SIPA1L1: variants seen among roughly 807,000 people sequenced by gnomAD.
SIPA1L1 encodes signal induced proliferation associated 1 like 1.
In SIPA1L1, 26 loss-of-function variants were observed where a neutral mutation model predicts 162.7. The ratio of observed to expected loss-of-function variants is 0.16; its 90% CI spans 0.12 to 0.22. The LOEUF (loss-of-function observed/expected upper bound fraction) is 0.22. Ranked by LOEUF, SIPA1L1 falls within the 10% of genes least tolerant of loss-of-function variation. The probability of loss-of-function intolerance (pLI) is 1.00; values close to 1 mark genes in which losing one functional copy is unlikely to be tolerated. For missense variants in SIPA1L1, 1,874 were observed against 2,241.0 expected (o/e 0.84, Z 3.31); for synonymous variants, 829 against 837.4 (o/e 0.99, Z 0.17).
chr14:71,405,053 G>A lies in SIPA1L1; in HGVS notation c.-465+83872G>A, dbSNP rs528249156. On this transcript the variant is annotated intron_variant, in intron 2 of 23. Transcript: ENST00000381232. ...TTGAGGAAGACTCAGTAAATAACAAGTATCAAAAGTAATTATTGTGCCTAT... is the reference window on the plus strand; with the variant it reads ...TTGAGGAAGACTCAGTAAATAACAAATATCAAAAGTAATTATTGTGCCTAT... Among the ~76,000 whole-genome samples the A allele has an allele frequency of 3.7e-4, 56 of 152,330 alleles. 1 individual carries two copies. In the South Asian group the frequency reaches 0.011, roughly 31 times the overall value.
At chr14:71,670,996 A>G (rs2044462664) in intron 10 of SIPA1L1, 123 bp from the exon 11 acceptor site, 4 of 759,272 alleles carry the variant, frequency 5.3e-6, no homozygotes, top group African/African-American at 3.5e-5. Context: ...GTTGTTTCTC[A>G]TGGAAAAATA....
intron 7 of SIPA1L1, among the ~76,000 whole-genome samples, chr14:71,625,424 C>A (rs2039877555): frequency 6.6e-6 from 1 of 152,064 alleles, no homozygotes; most frequent in Admixed American, 6.6e-5. Flanking sequence ...CTCAGCCTCT[C>A]GAGTAGCTGG....
intron 2 of SIPA1L1, among the ~76,000 whole-genome samples, chr14:71,364,799 G>A (rs958380415): frequency 6.6e-6 from 1 of 151,642 alleles, no homozygotes; most frequent in Admixed American, 6.6e-5. Context: ...AGGCTGGAGT[G>A]CAGTAGTGCG....
intron 4 of SIPA1L1, among the ~76,000 whole-genome samples, chr14:71,585,174 T>A (rs2034428774): frequency 6.8e-6 from 1 of 146,922 alleles, no homozygotes. Flanking sequence ...AGATGGAAAA[T>A]GAGAGGGAGA....
At chr14:71,661,839 C>G (rs2043546638) in intron 10 of SIPA1L1, among the ~76,000 whole-genome samples, 1 of 152,188 alleles carries the variant, frequency 6.6e-6, no homozygotes, top group African/African-American at 2.4e-5. Flanking sequence ...TTTTGAAAAG[C>G]ATTGTTATTA....
chr14:71,347,163 G>A lies in SIPA1L1; in HGVS notation c.-465+25982G>A, dbSNP rs190981199. Among the ~76,000 whole-genome samples, 21 of 151,328 alleles carry A rather than the reference G, an allele frequency of 1.4e-4. No individual in the cohort carries two copies. In the East Asian group the frequency reaches 1.6e-3, roughly 11 times the overall value. On this transcript the variant is annotated intron_variant, in intron 2 of 23. Coordinates refer to ENST00000381232, the MANE Select transcript of SIPA1L1 (RefSeq NM_001386936.1). The stretch of plus-strand genomic sequence containing the variant: ...TTTAGTAGAGATGGGGTATCACCGC[G>A]TTGGCCAGGCTGGTCTTGAACTCCT...
At chr14:71,637,617 A>C (rs538122803) in intron 7 of SIPA1L1, among the ~76,000 whole-genome samples, 1 of 152,202 alleles carries the variant, frequency 6.6e-6, no homozygotes, top group South Asian at 2.1e-4. Context: ...GTCTGTAGTT[A>C]AGAGGCTGAA....
intron 2 of SIPA1L1, among the ~76,000 whole-genome samples, chr14:71,491,403 T>G (rs974833405): frequency 8.5e-5 from 13 of 152,304 alleles, no homozygotes; most frequent in African/African-American, 3.1e-4. Flanking sequence ...ACTGACATTG[T>G]ACTTATCTTC....
chr14:71,527,006 G>T (rs955161949), intron 3 of SIPA1L1, among the ~76,000 whole-genome samples: 9 of 152,070 alleles, frequency 5.9e-5, no homozygotes, highest in Admixed American at 3.3e-4. Context: ...CTAAGTCTTG[G>T]TGTTGTCAGA....
chr14:71,518,707 G>A (rs1341124555), intron 3 of SIPA1L1, among the ~76,000 whole-genome samples: 3 of 152,140 alleles, frequency 2.0e-5, no homozygotes, highest in African/African-American at 7.2e-5. Flanking sequence ...TTGGGAGGCT[G>A]AGGCTGGCAG....
rs2082353156 is a variant in SIPA1L1 at position 71,705,203 on chromosome 14, G to A, written c.3647-19G>A. ...TTCTGCTTAGTGCCTGCACCATAAT[G>A]TCCTATGCTGTATTCCAGAGCCAAC... On this transcript the variant is annotated intron_variant, in intron 15 of 23. Transcript: ENST00000381232. The A allele has an allele frequency of 6.4e-7, 1 of 1,554,682 alleles. No homozygotes were observed. Among genetic ancestry groups the A allele is most frequent in the East Asian group, 2.2e-5 (1 of 44,616 alleles).
chr14:71,685,125 T>C (rs1196888306), intron 12 of SIPA1L1, among the ~76,000 whole-genome samples: 1 of 152,178 alleles, frequency 6.6e-6, no homozygotes, highest in Non-Finnish European at 1.5e-5. Flanking sequence ...TTTTAAAGAC[T>C]CCATATCTCG....
At position 71,472,902 on chromosome 14, in the gene SIPA1L1, G is replaced by A. The variant is rs144576210; in HGVS notation, c.-464-39841G>A. On this transcript the variant is annotated intron_variant, in intron 2 of 23. Coordinates refer to ENST00000381232, the MANE Select transcript of SIPA1L1 (RefSeq NM_001386936.1). Reference sequence around the variant, plus strand: ...ACTTGGTCACCCAGGCTGGAGTGCAGTAGTGTGATCATAGCTCACGGAAGC... The same window carrying A: ...ACTTGGTCACCCAGGCTGGAGTGCAATAGTGTGATCATAGCTCACGGAAGC... Among the ~76,000 whole-genome samples the A allele has an allele frequency of 3.4e-3, 513 of 149,162 alleles. 3 individuals are homozygous for A. The highest frequency in any genetic ancestry group is 5.8e-3 in the Non-Finnish European group (390 of 67,682).
chr14:71,737,340 G>A (rs2085392274), intron 22 of SIPA1L1, among the ~76,000 whole-genome samples: 1 of 152,104 alleles, frequency 6.6e-6, no homozygotes, highest in Non-Finnish European at 1.5e-5. Context: ...TTTCCCATTG[G>A]CGCTGGGAAG....
chr14:71,637,303 G>C (rs186493425), intron 7 of SIPA1L1, among the ~76,000 whole-genome samples: 4 of 152,164 alleles, frequency 2.6e-5, no homozygotes, highest in African/African-American at 7.2e-5. Flanking sequence ...AAAAATAGGA[G>C]AGTACAATAC....
intron 2 of SIPA1L1, among the ~76,000 whole-genome samples, chr14:71,425,965 G>C (rs564844300): frequency 6.6e-6 from 1 of 151,888 alleles, no homozygotes; most frequent in Non-Finnish European, 1.5e-5. Flanking sequence ...TAATGTAAGC[G>C]TTTTTGACCT....
At chr14:71,403,762 A>G (rs1025714623) in intron 2 of SIPA1L1, among the ~76,000 whole-genome samples, 2 of 152,124 alleles carry the variant, frequency 1.3e-5, no homozygotes, top group Non-Finnish European at 2.9e-5. Flanking sequence ...GTTATAGTAA[A>G]TGAGCTTGTG....
intron 12 of SIPA1L1, among the ~76,000 whole-genome samples, chr14:71,684,162 G>T (rs1221911745): frequency 6.6e-6 from 1 of 152,208 alleles, no homozygotes; most frequent in East Asian, 1.9e-4. Context: ...AGTAAGGATG[G>T]CAGCAGACGC....
At chr14:71,422,998 G>T (rs931444584) in intron 2 of SIPA1L1, among the ~76,000 whole-genome samples, 39 of 152,232 alleles carry the variant, frequency 2.6e-4, no homozygotes, top group Non-Finnish European at 1.5e-4. Flanking sequence ...GTATTTTCTG[G>T]TTTTTTGATA....
Sources: allele counts gnomAD v4.1 joint callset (sites outside exome capture counted in the v4.1 genomes callset), GRCh38; gene constraint gnomAD v4.1.1; transcripts MANE v1.5; gene names NCBI Gene and HGNC (gene_info 2026-07-23, HGNC 2026-07-21).